Variants in TLN2 observed in about 807,000 individuals in gnomAD.
The protein encoded by TLN2 is talin 2.
In TLN2, 118 loss-of-function variants were observed where a neutral mutation model predicts 294.7. The ratio of observed to expected loss-of-function variants is 0.40; its 90% CI spans 0.34 to 0.47. TLN2 has a LOEUF of 0.47. Among genes scored for constraint, TLN2 ranks in the 20% least tolerant of loss-of-function variants. TLN2 has a pLI of 0.84. For synonymous variants in TLN2, 1,431 were observed against 1,304.5 expected (o/e 1.10, Z -2.09); for missense variants, 3,083 against 3,282.2 (o/e 0.94, Z 1.48).
intron 1 of TLN2, among the ~76,000 whole-genome samples, chr15:62,583,689 G>A (rs1168116743): frequency 6.6e-6 from 1 of 152,186 alleles, no homozygotes; most frequent in Non-Finnish European, 1.5e-5. Context: ...GTATGTTTAA[G>A]AACAGCTTAT....
intron 3 of TLN2, among the ~76,000 whole-genome samples, chr15:62,643,405 A>ATTTTTTTTTTTTTTTTTTTT (rs571288380): frequency 2.0e-4 from 18 of 90,742 alleles, no homozygotes; most frequent in African/African-American, 4.8e-4. Context: ...TGGTTCCAGG[A>ATTTTTTTTTTTTTTTTTTTT]TTTTTTTTTT....
At chr15:62,487,130 C>T (rs2038441556) in intron 1 of TLN2, among the ~76,000 whole-genome samples, 1 of 152,210 alleles carries the variant, frequency 6.6e-6, no homozygotes, top group Non-Finnish European at 1.5e-5. Flanking sequence ...GCACATTTGA[C>T]AGTTCTGTCA....
At chr15:62,554,461 A>G (rs763931202) in intron 1 of TLN2, among the ~76,000 whole-genome samples, 11 of 151,594 alleles carry the variant, frequency 7.3e-5, no homozygotes, top group Non-Finnish European at 1.0e-4. Context: ...TGAAAACGCT[A>G]CTGGGAAAGA....
chr15:62,693,656 A>T (rs2058095137), intron 13 of TLN2, among the ~76,000 whole-genome samples: 1 of 152,056 alleles, frequency 6.6e-6, no homozygotes, highest in Non-Finnish European at 1.5e-5. Flanking sequence ...TGGTATATAG[A>T]AAAACAGATT....
chr15:62,494,915 C>T (rs2038941827), intron 1 of TLN2, among the ~76,000 whole-genome samples: 1 of 152,138 alleles, frequency 6.6e-6, no homozygotes, highest in South Asian at 2.1e-4. Flanking sequence ...TGCCCGCTCC[C>T]CACACAGCCC....
intron 11 of TLN2, among the ~76,000 whole-genome samples, 198 bp from the exon 12 acceptor site, chr15:62,686,443 T>C (rs2057296941): frequency 6.6e-6 from 1 of 152,120 alleles, no homozygotes; most frequent in Non-Finnish European, 1.5e-5. Context: ...CTTTCCAGTC[T>C]TCTCATGTCT....
chr15:62,592,095 A>G (rs1596276535), intron 2 of TLN2, among the ~76,000 whole-genome samples: 1 of 152,146 alleles, frequency 6.6e-6, no homozygotes, highest in East Asian at 1.9e-4. Context: ...GGGTATGGGG[A>G]TGTGTATAAG....
intron 1 of TLN2, among the ~76,000 whole-genome samples, chr15:62,500,709 T>C (rs1259903784): frequency 6.6e-6 from 1 of 152,244 alleles, no homozygotes; most frequent in African/African-American, 2.4e-5. Context: ...GTGACATCAA[T>C]GCCCACTTGG....
chr15:62,443,373 C>T (rs905096902), intron 1 of TLN2, among the ~76,000 whole-genome samples: 10 of 152,182 alleles, frequency 6.6e-5, no homozygotes, highest in African/African-American at 2.4e-4. Flanking sequence ...TCACCATTAA[C>T]AATTTCTGTT....
At chr15:62,620,442 A>T (rs1229153620) in intron 3 of TLN2, among the ~76,000 whole-genome samples, 1 of 151,712 alleles carries the variant, frequency 6.6e-6, no homozygotes, top group Non-Finnish European at 1.5e-5. Flanking sequence ...AAGTGAATTC[A>T]TTCATACTCT....
intron 3 of TLN2, among the ~76,000 whole-genome samples, chr15:62,642,303 T>C (rs2051212071): frequency 6.6e-6 from 1 of 152,030 alleles, no homozygotes; most frequent in African/African-American, 2.4e-5. Flanking sequence ...TAAGATAAAA[T>C]AGAAAAAGGG....
intron 22 of TLN2, among the ~76,000 whole-genome samples, chr15:62,713,242 T>C (rs1455126099): frequency 7.9e-6 from 1 of 127,048 alleles, no homozygotes; most frequent in South Asian, 2.5e-4. Context: ...CTGCACTCCA[T>C]CCTGGGTGAC....
chr15:62,714,016 C>G (rs910014696), intron 22 of TLN2, among the ~76,000 whole-genome samples: 1 of 150,592 alleles, frequency 6.6e-6, no homozygotes, highest in African/African-American at 2.4e-5. Flanking sequence ...CTCTCTCAGT[C>G]TATACATAGA....
intron 1 of TLN2, among the ~76,000 whole-genome samples, chr15:62,401,911 G>C (rs943881735): frequency 6.6e-6 from 1 of 152,036 alleles, no homozygotes; most frequent in East Asian, 1.9e-4. Context: ...ACTTCTTTTG[G>C]CACAACTTTG....
At chr15:62,741,828 T>C (rs1376041554) in intron 32 of TLN2, among the ~76,000 whole-genome samples, 2 of 150,354 alleles carry the variant, frequency 1.3e-5, no homozygotes, top group Admixed American at 6.6e-5. Context: ...TCAAGAGACC[T>C]GAATTATATT....
At chr15:62,662,822 G>GTTTTTTTTT (rs772448730) in intron 9 of TLN2, among the ~76,000 whole-genome samples, 4 of 108,238 alleles carry the variant, frequency 3.7e-5, no homozygotes, top group Non-Finnish European at 5.3e-5. Flanking sequence ...GATTGAGAGA[G>GTTTTTTTTT]TTTTTTTTTT....
intron 3 of TLN2, among the ~76,000 whole-genome samples, chr15:62,625,384 G>C (rs954036402): frequency 6.6e-6 from 1 of 152,212 alleles, no homozygotes; most frequent in African/African-American, 2.4e-5. Flanking sequence ...GCTGGCTGCA[G>C]TGTAAGCTGA....
At chr15:62,595,722 A>C (rs143518459) in intron 2 of TLN2, among the ~76,000 whole-genome samples, 5 of 152,216 alleles carry the variant, frequency 3.3e-5, no homozygotes, top group East Asian at 1.9e-4. Context: ...GTGAAATACT[A>C]TTCAGCCTTC....
rs1015410602 is a variant in TLN2, at chr15:62,800,270, T to TC, written c.6235-93dup. The TC allele has an allele frequency of 7.0e-5, 107 of 1,519,148 alleles. No homozygotes were observed. The Middle Eastern group carries it at 7.1e-4, about 10-fold the overall frequency. 94.1% of individuals were successfully genotyped at this position (1,519,148 alleles called of 1,614,324 possible). ...CAGACTTCAGACTGTCTTTCTCTCC[T>TC]CCCCCGTGCCCTGGCCTGCCCTCAG... On this transcript the variant is annotated intron_variant, in intron 48 of 58. Coordinates refer to ENST00000636159, the MANE Select transcript of TLN2 (RefSeq NM_015059.3).
Sources: allele counts gnomAD v4.1 joint callset (sites outside exome capture counted in the v4.1 genomes callset), GRCh38; gene constraint gnomAD v4.1.1; transcripts MANE v1.5; gene names NCBI Gene and HGNC (gene_info 2026-07-23, HGNC 2026-07-21).